Variants in CEP250 observed in about 807,000 individuals in gnomAD.
CEP250 encodes centrosomal protein 250, also known as centrosome-associated protein CEP250.
CEP250 carries 242 observed loss-of-function variants against 315.7 expected under a neutral mutation model. That is an observed-to-expected ratio of 0.77 (90% CI 0.69 to 0.85). The LOEUF (loss-of-function observed/expected upper bound fraction) is 0.85. Among genes scored for constraint, CEP250 ranks in the 40% least tolerant of loss-of-function variants. The pLI is 0.00. For missense variants in CEP250, 2,515 were observed against 2,886.4 expected, an observed-to-expected ratio of 0.87 and a Z score of 2.95; for synonymous variants, 1,088 against 1,175.0, an observed-to-expected ratio of 0.93 and a Z score of 1.51.
chr20:35,497,680 C>T (rs1487118552), intron 25 of CEP250, 39 bp from the exon 26 acceptor site: 2 of 1,430,644 alleles, frequency 1.4e-6, no homozygotes, highest in African/African-American at 1.4e-5. Flanking sequence ...AGAGGGTATC[C>T]GCTTCCTGCT....
At chr20:35,484,672 C>T (rs1285317245) in intron 20 of CEP250, among the ~76,000 whole-genome samples, 2 of 151,664 alleles carry the variant, frequency 1.3e-5, no homozygotes, top group Non-Finnish European at 2.9e-5. Context: ...TGATCTTGAA[C>T]TCCTGGGCTC....
chr20:35,457,377 A>T (rs1231712651), intron 1 of CEP250, among the ~76,000 whole-genome samples: 1 of 151,848 alleles, frequency 6.6e-6, no homozygotes, highest in Non-Finnish European at 1.5e-5. Context: ...ATAGTATTTT[A>T]TTTATTTATT....
At chr20:35,493,328 G>A in intron 22 of CEP250, 101 bp from the exon 23 acceptor site, 1 of 1,112,676 alleles carries the variant, frequency 9.0e-7, no homozygotes, top group Non-Finnish European at 1.3e-6. Flanking sequence ...GAAACAATGT[G>A]GATTGCTGGC....
Position 35,473,988 on chromosome 20 carries a change from G to T in CEP250, c.1507G>T (p.Ala503Ser). ...NVELQLQGDSAQGQKEEQQEE... is the reference protein window; with the variant it reads ...NVELQLQGDSSQGQKEEQQEE... ...GGAGCTTCAGCTGCAGGGGGACTCT[G>T]CCCAGGGCCAGAAGGAGGAACAGCA... The change falls in exon 14 of 35, where the codon GCC (alanine) becomes TCC (serine). Residue 503 changes from alanine (A) to serine (S), a missense_variant. By Grantham distance (99) the Ala-to-Ser change is moderately conservative. Transcript: ENST00000397527. 1 of 1,606,426 alleles carries T rather than the reference G, an allele frequency of 6.2e-7. No homozygotes were observed. Among genetic ancestry groups the T allele is most frequent in the South Asian group, 1.1e-5 (1 of 90,078 alleles).
At chr20:35,501,822 T>C in intron 28 of CEP250, 23 bp from the exon 29 acceptor site, 2 of 1,428,398 alleles carry the variant, frequency 1.4e-6, no homozygotes, top group Non-Finnish European at 9.1e-7. Flanking sequence ...CTACCTCTCC[T>C]CTCCTCTCCT....
intron 34 of CEP250, 148 bp downstream of exon 34, chr20:35,510,202 C>A: frequency 1.4e-6 from 1 of 710,140 alleles, no homozygotes; most frequent in South Asian, 1.6e-5. Flanking sequence ...CCCCATCTCT[C>A]ATATGCCTAG....
At chr20:35,475,763 T>G in intron 15 of CEP250, 117 bp downstream of exon 15, 1 of 1,159,842 alleles carries the variant, frequency 8.6e-7, no homozygotes, top group Non-Finnish European at 1.2e-6. Flanking sequence ...CAATCATTAG[T>G]CTGCTTCTGG....
intron 31 of CEP250, 83 bp downstream of exon 31, chr20:35,507,934 T>C (rs2064237936): frequency 2.5e-6 from 4 of 1,597,066 alleles, no homozygotes; most frequent in Non-Finnish European, 3.4e-6. Context: ...GGGAACTGGG[T>C]TCCTGAAGCT....
At position 35,459,051 on chromosome 20, in the gene CEP250, G is replaced by A. The variant is rs1475791360; in HGVS notation, c.-227+677G>A. On this transcript the variant is annotated intron_variant, in intron 2 of 34. Coordinates refer to ENST00000397527, the MANE Select transcript of CEP250 (RefSeq NM_007186.6). ...GGACAGTGTTGGCCAGGCTGGTCTCGAACTCCTGACCTCAAGTGATCCGCC... is the reference window on the plus strand; with the variant it reads ...GGACAGTGTTGGCCAGGCTGGTCTCAAACTCCTGACCTCAAGTGATCCGCC... 4.8e-5 allele frequency among the ~76,000 whole-genome samples: 6 copies of A among 125,460 alleles called. No individual in the cohort carries two copies. The Admixed American group carries it at 5.4e-4, about 11-fold the overall frequency. The allele number at this position is 125,460 out of a possible 152,430, so 82.3% of individuals were successfully genotyped here.
intron 14 of CEP250, among the ~76,000 whole-genome samples, chr20:35,474,465 G>T (rs1482199949): frequency 6.6e-6 from 1 of 152,204 alleles, no homozygotes; most frequent in Non-Finnish European, 1.5e-5. Context: ...TAGACTTTGA[G>T]CTGGGCCTTT....
In CEP250 at chr20:35,477,924, G is replaced by A. The variant is rs1258544220; in HGVS notation, c.1917G>A (p.Ala639=). ...GCAGAATGGAGGCCGCAGAGCAGGC[G>A]AGAAATGCTTTGCAGGTCGACCTGG... ...VCSRMEAAEQ[A]RNALQVDLAE... is the part of the protein sequence containing the mutation. The change falls in exon 17 of 35, where the codon GCG becomes GCA. Residue 639 remains alanine, a synonymous_variant. Transcript: ENST00000397527. The A allele has an allele frequency of 1.7e-5, 28 of 1,606,564 alleles. No individual in the cohort carries two copies. The highest frequency in any genetic ancestry group is 2.7e-5 in the African/African-American group (2 of 74,886).
At position 35,518,045 on chromosome 20, in the gene CEP250, C is replaced by CA. The variant is rs377374228; in HGVS notation, c.*6434dup. On this transcript the variant is annotated 3_prime_UTR_variant, in exon 35 of 35. Coordinates refer to ENST00000397527, the MANE Select transcript of CEP250 (RefSeq NM_007186.6). ...CCTGGGCAACAGAGCAAGACTGTCT[C>CA]AAAAAAAAAAAAAAAGGAAATTAAA... 0.015 allele frequency: 1,401 copies of CA among 94,154 alleles called. 15 individuals are homozygous for CA. Among genetic ancestry groups the CA allele is most frequent in the African/African-American group, 0.04 (1,014 of 25,556 alleles). 5.8% of individuals were successfully genotyped at this position (94,154 alleles called of 1,614,324 possible).
chr20:35,486,689 T>A (rs558750356), intron 20 of CEP250, among the ~76,000 whole-genome samples: 1 of 152,248 alleles, frequency 6.6e-6, no homozygotes, highest in Non-Finnish European at 1.5e-5. Flanking sequence ...ATCTTGTTTA[T>A]CAAGTATCTG....
intron 22 of CEP250, 94 bp from the exon 23 acceptor site, chr20:35,493,335 T>G (rs1302616303): frequency 8.4e-7 from 1 of 1,189,546 alleles, no homozygotes; most frequent in African/African-American, 1.6e-5. Context: ...TGTGGATTGC[T>G]GGCTCCTGCC....
In CEP250 at chr20:35,503,600, A is replaced by G; in HGVS notation, c.5231A>G (p.His1744Arg). Reference protein sequence around the residue: ...KEKEVECQQEHIHELQELKDQ... With the variant: ...KEKEVECQQERIHELQELKDQ... Reference sequence around the variant, plus strand: ...AAGGAGGTGGAATGTCAGCAGGAGCATATCCATGAACTCCAGGAGCTCAAA... The same window carrying G: ...AAGGAGGTGGAATGTCAGCAGGAGCGTATCCATGAACTCCAGGAGCTCAAA... Residue 1744 changes from histidine (H) to arginine (R), a missense_variant, in exon 30 of 35, where the codon CAT (histidine) becomes CGT (arginine). Transcript: ENST00000397527. The surrounding 1 kb of genome is among the most constrained non-coding windows in gnomAD (Gnocchi z 4.2). 1 of 1,614,144 alleles carries G rather than the reference A, an allele frequency of 6.2e-7. No homozygotes were observed. The highest frequency in any genetic ancestry group is 8.5e-7 in the Non-Finnish European group (1 of 1,179,998).
chr20:35,511,290 A>G (rs1299629917), intron 34 of CEP250, 73 bp from the exon 35 acceptor site: 8 of 1,307,006 alleles, frequency 6.1e-6, no homozygotes, highest in Non-Finnish European at 6.3e-6. Flanking sequence ...CAGAGAACAC[A>G]GAGCAGGAAG....
chr20:35,501,266 G>A (rs750317349), intron 28 of CEP250, among the ~76,000 whole-genome samples: 29 of 152,248 alleles, frequency 1.9e-4, no homozygotes, highest in Non-Finnish European at 3.4e-4. Context: ...GAACCCGGGA[G>A]GTGGAGGTTG....
chr20:35,508,168 A>C lies in CEP250; in HGVS notation c.6884A>C (p.Gln2295Pro). The C allele has an allele frequency of 6.2e-7, 1 of 1,614,052 alleles. No homozygotes were observed. The highest frequency in any genetic ancestry group is 8.5e-7 in the Non-Finnish European group (1 of 1,179,986). The change falls in exon 32 of 35, where the codon CAG (glutamine) becomes CCG (proline). Residue 2295 changes from glutamine (Q) to proline (P), a missense_variant. Transcript: ENST00000397527. ...AGCAGGCTGCAGCGCCACAATGTCC[A>C]GCTGCGGAGTACCTTGGAGCAGGTG... is the stretch of plus-strand genomic sequence containing the variant. ...DRSRLQRHNVQLRSTLEQVER... is the reference protein window; with the variant it reads ...DRSRLQRHNVPLRSTLEQVER...
At chr20:35,486,730 A>G (rs1406769125) in intron 20 of CEP250, among the ~76,000 whole-genome samples, 1 of 152,252 alleles carries the variant, frequency 6.6e-6, no homozygotes, top group Non-Finnish European at 1.5e-5. Flanking sequence ...CTTTATGTGT[A>G]TTTGTAATTT....
Sources: allele counts gnomAD v4.1 joint callset (sites outside exome capture counted in the v4.1 genomes callset), GRCh38; gene constraint gnomAD v4.1.1; non-coding constraint Gnocchi (gnomAD v3.1); transcripts MANE v1.5; gene names NCBI Gene and HGNC (gene_info 2026-07-23, HGNC 2026-07-21).